Variants in ACMSD observed in about 807,000 individuals in gnomAD.
The protein encoded by ACMSD is aminocarboxymuconate semialdehyde decarboxylase, also known as 2-amino-3-carboxymuconate-6-semialdehyde decarboxylase.
A neutral mutation model predicts 45.9 loss-of-function variants in ACMSD; 37 were observed. That is an observed-to-expected ratio of 0.81 (90% CI 0.62 to 1.06). ACMSD has a LOEUF of 1.06. ACMSD is among the 50% of genes least tolerant of loss of function. The pLI is 0.00. For synonymous variants in ACMSD, 138 were observed against 148.8 expected (o/e 0.93, Z 0.53); for missense variants, 434 against 420.9 (o/e 1.03, Z -0.27).
rs1573606692 is a variant in ACMSD, at chr2:134,840,180, A to AAAAAAAACAAAAAC, written c.57+1448_57+1449insCAAAAACAAAAAAA. Among the ~76,000 whole-genome samples the AAAAAAAACAAAAAC allele has an allele frequency of 2.9e-5, 4 of 140,146 alleles. 1 individual carries two copies. The East Asian group carries it at 1.0e-3, about 36-fold the overall frequency. 91.9% of individuals were successfully genotyped at this position (140,146 alleles called of 152,430 possible). A position where few individuals can be genotyped will look rare whatever the true frequency, so the allele number is the denominator to read the frequency against. On this transcript the variant is annotated intron_variant, in intron 1 of 9. Coordinates refer to ENST00000356140, the MANE Select transcript of ACMSD (RefSeq NM_138326.3). ...AACTATACCTAGCAAAAAAAAAAAA[A>AAAAAAAACAAAAAC]AAAAAAAAAAAAACCACTAATTCCT... is the stretch of plus-strand genomic sequence containing the variant.
At chr2:134,859,874 T>C (rs976471164) in intron 3 of ACMSD, among the ~76,000 whole-genome samples, 3 of 151,864 alleles carry the variant, frequency 2.0e-5, no homozygotes, top group African/African-American at 7.3e-5. Flanking sequence ...AATCCAGAAA[T>C]TTGAAAGAAG....
chr2:134,872,425 T>C (rs765090486), intron 7 of ACMSD, 44 bp from the exon 8 acceptor site: 3 of 1,611,816 alleles, frequency 1.9e-6, no homozygotes, highest in South Asian at 2.2e-5. Flanking sequence ...AAAGGAATCC[T>C]TTACAATCAA....
At chr2:134,885,268 AAT>A (rs1336979002) in intron 8 of ACMSD, among the ~76,000 whole-genome samples, 83 of 79,054 alleles carry the variant, frequency 1.0e-3, no homozygotes, top group African/African-American at 1.7e-3. Context: ...TATATATATA[AAT>A]ATATATATTA....
chr2:134,873,655 G>A (rs941274915), intron 8 of ACMSD: 1 of 152,144 alleles, frequency 6.6e-6, no homozygotes, highest in Non-Finnish European at 1.5e-5. Context: ...TGTTTCTCTG[G>A]CTTGAGAAAA....
chr2:134,874,173 G>A (rs1463481541), intron 8 of ACMSD, among the ~76,000 whole-genome samples: 2 of 152,172 alleles, frequency 1.3e-5, no homozygotes, highest in Non-Finnish European at 2.9e-5. Flanking sequence ...TGGTGAGCAC[G>A]TGTGAATATA....
intron 6 of ACMSD, among the ~76,000 whole-genome samples, chr2:134,868,003 T>A (rs1385291405): frequency 6.6e-6 from 1 of 152,188 alleles, no homozygotes; most frequent in African/African-American, 2.4e-5. Flanking sequence ...CATGAAAATG[T>A]AATTTACACA....
chr2:134,845,898 G>A lies in ACMSD; in HGVS notation c.102+621G>A, dbSNP rs572132727. 1.6e-4 allele frequency among the ~76,000 whole-genome samples: 25 copies of A among 152,314 alleles called. No homozygotes were observed. In the South Asian group the frequency reaches 5.2e-3, roughly 32 times the overall value. ...ATCATATGTCCTCTCCGAGTTCAGA[G>A]GGAATATTCTTGAGCTTCCAGCTGG... is the stretch of plus-strand genomic sequence containing the variant. On this transcript the variant is annotated intron_variant, in intron 2 of 9. Coordinates refer to ENST00000356140, the MANE Select transcript of ACMSD (RefSeq NM_138326.3).
At chr2:134,892,121 G>C (rs922925685) in intron 8 of ACMSD, among the ~76,000 whole-genome samples, 1 of 152,034 alleles carries the variant, frequency 6.6e-6, no homozygotes, top group Non-Finnish European at 1.5e-5. Context: ...ATTACTTACT[G>C]AGTGCTATGT....
chr2:134,861,823 G>C, intron 3 of ACMSD, 146 bp from the exon 4 acceptor site: 1 of 805,386 alleles, frequency 1.2e-6, no homozygotes, highest in East Asian at 2.4e-5. Flanking sequence ...GCTGAGGGGG[G>C]TCCAGGGAGA....
At chr2:134,840,194 C>A (rs7608700) in intron 1 of ACMSD, among the ~76,000 whole-genome samples, 27,820 of 67,944 alleles carry the variant, frequency 0.41, 6,082 homozygotes, top group Middle Eastern at 0.75. Context: ...AAAAAAAAAA[C>A]CACTAATTCC....
intron 8 of ACMSD, chr2:134,877,701 G>C (rs924648649): frequency 7.0e-6 from 1 of 142,470 alleles, no homozygotes; most frequent in South Asian, 2.3e-4. Context: ...GGGAAGAAGA[G>C]GGGGGGGAAA....
intron 8 of ACMSD, among the ~76,000 whole-genome samples, chr2:134,887,193 G>A (rs930100621): frequency 6.6e-6 from 1 of 152,066 alleles, no homozygotes; most frequent in African/African-American, 2.4e-5. Context: ...TGTAATCCAA[G>A]CTAAATCTAA....
chr2:134,897,058 T>C (rs528043503), intron 8 of ACMSD, among the ~76,000 whole-genome samples: 1 of 152,062 alleles, frequency 6.6e-6, no homozygotes, highest in East Asian at 1.9e-4. Flanking sequence ...CTATAATTAG[T>C]GGAAATGATT....
intron 1 of ACMSD, 141 bp from the exon 2 acceptor site, chr2:134,845,092 A>G: frequency 2.6e-6 from 2 of 761,050 alleles, no homozygotes; most frequent in Non-Finnish European, 4.6e-6. Context: ...TGTAAATACT[A>G]AATAGGCGAT....
intron 2 of ACMSD, among the ~76,000 whole-genome samples, chr2:134,847,085 G>C (rs1687084341): frequency 6.6e-6 from 1 of 152,204 alleles, no homozygotes; most frequent in South Asian, 2.1e-4. Context: ...GGGCTGGCAA[G>C]GTAGGCAGAG....
chr2:134,895,922 C>G (rs1028315098), intron 8 of ACMSD, among the ~76,000 whole-genome samples: 4 of 152,072 alleles, frequency 2.6e-5, no homozygotes, highest in African/African-American at 9.7e-5. Flanking sequence ...AAAATTGGCA[C>G]AGTCACATTC....
chr2:134,866,693 T>C (rs1688113992), intron 5 of ACMSD, among the ~76,000 whole-genome samples: 1 of 152,226 alleles, frequency 6.6e-6, no homozygotes. Flanking sequence ...CCTCAATATA[T>C]GTGGTGAGGA....
chr2:134,847,443 G>GATAGGTAGAT (rs1553508810), intron 2 of ACMSD, among the ~76,000 whole-genome samples: 40 of 142,426 alleles, frequency 2.8e-4, no homozygotes, highest in African/African-American at 9.9e-4. Context: ...TAGATAGATA[G>GATAGGTAGAT]ATAGATATAG....
At chr2:134,851,434 G>A (rs916925864) in intron 2 of ACMSD, among the ~76,000 whole-genome samples, 22 of 152,186 alleles carry the variant, frequency 1.4e-4, no homozygotes, top group African/African-American at 4.8e-4. Flanking sequence ...CCTACCAACA[G>A]TGTAGAAGCA....
Sources: allele counts gnomAD v4.1 joint callset (sites outside exome capture counted in the v4.1 genomes callset), GRCh38; gene constraint gnomAD v4.1.1; transcripts MANE v1.5; gene names NCBI Gene and HGNC (gene_info 2026-07-23, HGNC 2026-07-21).